The following NAALADL2 variants were observed in gnomAD, a reference collection of about 807,000 sequenced individuals.
NAALADL2 encodes the protein inactive N-acetylated-alpha-linked acidic dipeptidase-like protein 2.
In NAALADL2, 76 loss-of-function variants were observed where a neutral mutation model predicts 87.2. The observed-to-expected ratio is 0.87, with a 90% CI of 0.72 to 1.05. NAALADL2 has a LOEUF of 1.05. Ranked by LOEUF, NAALADL2 falls within the 50% of genes least tolerant of loss-of-function variation. The pLI is 0.00. For missense variants in NAALADL2, 1,089 were observed against 945.8 expected, an observed-to-expected ratio of 1.15 and a Z score of -1.99; for synonymous variants, 354 against 331.0, an observed-to-expected ratio of 1.07 and a Z score of -0.75.
chr3:174,453,888 A>G (rs555536178), intron 1 of NAALADL2, among the ~76,000 whole-genome samples: 2 of 152,308 alleles, frequency 1.3e-5, no homozygotes, highest in East Asian at 3.9e-4. Flanking sequence ...CCATGATGAC[A>G]GTATCAAATT....
chr3:175,149,434 A>G (rs1731229499), intron 2 of NAALADL2, among the ~76,000 whole-genome samples: 1 of 152,198 alleles, frequency 6.6e-6, no homozygotes, highest in Admixed American at 6.5e-5. Context: ...ACAGTTTATT[A>G]AAACTCACAT....
chr3:174,570,597 G>A (rs1714820066), intron 2 of NAALADL2, among the ~76,000 whole-genome samples: 1 of 152,070 alleles, frequency 6.6e-6, no homozygotes, highest in Admixed American at 6.6e-5. Context: ...TTATTTAAAT[G>A]TACACAGGGT....
chr3:175,036,504 A>G (rs974681861), intron 1 of NAALADL2, among the ~76,000 whole-genome samples: 1 of 151,690 alleles, frequency 6.6e-6, no homozygotes, highest in Admixed American at 6.6e-5. Context: ...GGTTCACACT[A>G]TTCTCCTGCC....
intron 3 of NAALADL2, among the ~76,000 whole-genome samples, chr3:174,738,868 G>C (rs1403191917): frequency 2.0e-5 from 3 of 151,882 alleles, no homozygotes; most frequent in African/African-American, 7.3e-5. Context: ...ATTACTTTTT[G>C]ACCATAAAAT....
intron 1 of NAALADL2, among the ~76,000 whole-genome samples, chr3:175,081,396 G>A (rs770374249): frequency 2.6e-5 from 4 of 151,932 alleles, no homozygotes; most frequent in Non-Finnish European, 5.9e-5. Context: ...ATCTTTCTGG[G>A]GTAATCCAGT....
In NAALADL2 at chr3:174,930,949, A is replaced by G. The variant is rs186728901; in HGVS notation, c.43+71499A>G. Among the ~76,000 whole-genome samples the G allele has an allele frequency of 5.3e-5, 8 of 152,060 alleles. No homozygotes were observed. The East Asian group carries it at 1.4e-3, about 26-fold the overall frequency. On this transcript the variant is annotated intron_variant, in intron 1 of 13. Transcript: ENST00000454872. ...GATGAACATTTTAAATGCTATTTGT[A>G]TATATCCCATATTATGATTGAACTA...
intron 10 of NAALADL2, among the ~76,000 whole-genome samples, chr3:175,582,913 G>C (rs182273484): frequency 1.8e-4 from 28 of 152,260 alleles, no homozygotes; most frequent in African/African-American, 6.5e-4. Flanking sequence ...ACCCTTTCTG[G>C]AGTTTTGTGG....
intron 2 of NAALADL2, among the ~76,000 whole-genome samples, chr3:174,638,417 T>G (rs1204329891): frequency 6.6e-6 from 1 of 152,184 alleles, no homozygotes; most frequent in Non-Finnish European, 1.5e-5. Context: ...CAAAGGACCC[T>G]AACTCTGGCT....
chr3:175,582,727 A>G (rs1719959699), intron 10 of NAALADL2, among the ~76,000 whole-genome samples: 1 of 152,224 alleles, frequency 6.6e-6, no homozygotes, highest in South Asian at 2.1e-4. Flanking sequence ...CTTTCTCTCA[A>G]AGTGGTCACA....
chr3:174,964,577 A>G lies in NAALADL2; in HGVS notation c.43+105127A>G, dbSNP rs148522844. On this transcript the variant is annotated intron_variant, in intron 1 of 13. Transcript: ENST00000454872. ...AGAATAATCCATGAAAAAGACTATA[A>G]GGGAGGATGATATCTAGAAGCCTAA... Among the ~76,000 whole-genome samples, 11 of 152,230 alleles carry G rather than the reference A, an allele frequency of 7.2e-5. No homozygotes were observed. The East Asian group carries it at 1.9e-3, about 27-fold the overall frequency.
intron 1 of NAALADL2, among the ~76,000 whole-genome samples, chr3:174,509,830 C>T (rs1719481943): frequency 6.6e-6 from 1 of 151,894 alleles, no homozygotes; most frequent in South Asian, 2.1e-4. Flanking sequence ...TCTCCAAATA[C>T]AGTCAGATTG....
At chr3:175,654,892 T>C (rs1397053886) in intron 11 of NAALADL2, among the ~76,000 whole-genome samples, 2 of 152,166 alleles carry the variant, frequency 1.3e-5, no homozygotes, top group Non-Finnish European at 2.9e-5. Context: ...TTTCTGATAT[T>C]GCATTACGTA....
chr3:175,206,920 A>C (rs1741020960), intron 2 of NAALADL2, among the ~76,000 whole-genome samples: 1 of 152,080 alleles, frequency 6.6e-6, no homozygotes, highest in Admixed American at 6.6e-5. Context: ...ACTCATGATT[A>C]TTGAGAGGAC....
chr3:174,662,875 G>C (rs1465004645), intron 2 of NAALADL2, among the ~76,000 whole-genome samples: 1 of 152,204 alleles, frequency 6.6e-6, no homozygotes, highest in Non-Finnish European at 1.5e-5. Flanking sequence ...GCAGAGCACA[G>C]TCTTCATGAT....
At chr3:175,608,289 T>C (rs1436704905) in intron 10 of NAALADL2, among the ~76,000 whole-genome samples, 1 of 150,306 alleles carries the variant, frequency 6.7e-6, no homozygotes, top group Non-Finnish European at 1.5e-5. Context: ...ATTCAAAACA[T>C]CATTTTTATT....
chr3:175,520,879 C>CA (rs973132956), intron 9 of NAALADL2, among the ~76,000 whole-genome samples: 8 of 151,656 alleles, frequency 5.3e-5, no homozygotes, highest in Non-Finnish European at 1.0e-4. Flanking sequence ...TATAGATGTC[C>CA]AAAAGAAAGA....
chr3:175,252,750 G>A (rs1484372953), intron 3 of NAALADL2, among the ~76,000 whole-genome samples: 1 of 152,156 alleles, frequency 6.6e-6, no homozygotes, highest in African/African-American at 2.4e-5. Context: ...TGCTACTCTA[G>A]TGAACACATG....
intron 1 of NAALADL2, among the ~76,000 whole-genome samples, chr3:174,490,015 G>C (rs1012165093): frequency 6.6e-6 from 1 of 151,962 alleles, no homozygotes; most frequent in Non-Finnish European, 1.5e-5. Flanking sequence ...TCGTTAAAAA[G>C]ACATACCATA....
intron 9 of NAALADL2, among the ~76,000 whole-genome samples, chr3:175,508,138 C>G (rs1300858292): frequency 6.6e-6 from 1 of 152,182 alleles, no homozygotes. Context: ...CCAGATCTCA[C>G]ATGAACTTAG....
Sources: gnomAD v4.1 joint callset for allele counts (sites outside exome capture counted in the v4.1 genomes callset) on GRCh38, gnomAD v4.1.1 for gene constraint, MANE v1.5 for transcripts, NCBI Gene and HGNC (gene_info 2026-07-23, HGNC 2026-07-21) for gene names.